Variants in GCNT2 observed in about 807,000 individuals in gnomAD.
GCNT2 encodes the protein N-acetyllactosaminide beta-1,6-N-acetylglucosaminyl-transferase.
In GCNT2, 34 loss-of-function variants were observed where a neutral mutation model predicts 34.2. That is an observed-to-expected ratio of 1.00 (90% CI 0.76 to 1.32). The LOEUF (loss-of-function observed/expected upper bound fraction) is 1.32, where lower values mean the gene tolerates loss of function less well. Among genes scored for constraint, GCNT2 ranks in the 40% most tolerant of loss-of-function variants. The pLI is 0.00. For missense variants in GCNT2, 584 were observed against 489.4 expected (o/e 1.19, Z -1.82); for synonymous variants, 212 against 188.0 (o/e 1.13, Z -1.04).
chr6:10,573,511 CACAG>C (rs1763647260), intron 3 of GCNT2, among the ~76,000 whole-genome samples: 1 of 152,154 alleles, frequency 6.6e-6, no homozygotes, highest in East Asian at 1.9e-4. Flanking sequence ...CAGGTAGTGT[CACAG>C]ACAGAGAAGC....
At chr6:10,589,036 G>C (rs1278859736) in intron 3 of GCNT2, among the ~76,000 whole-genome samples, 1 of 133,658 alleles carries the variant, frequency 7.5e-6, no homozygotes, top group South Asian at 2.6e-4. Context: ...TATGTGCGTG[G>C]TATGTGTATG....
At chr6:10,593,706 A>G (rs150592099) in intron 3 of GCNT2, among the ~76,000 whole-genome samples, 3 of 152,364 alleles carry the variant, frequency 2.0e-5, no homozygotes, top group African/African-American at 7.2e-5. Flanking sequence ...TTAGTGGTAT[A>G]TCAAAGCTAT....
At chr6:10,555,203 G>C (rs890951910) in intron 3 of GCNT2, among the ~76,000 whole-genome samples, 6 of 152,060 alleles carry the variant, frequency 3.9e-5, no homozygotes, top group Non-Finnish European at 7.4e-5. Context: ...GGCAGTCAAT[G>C]GTTAAGTTGG....
chr6:10,542,880 C>A (rs1388247848), intron 3 of GCNT2, among the ~76,000 whole-genome samples: 1 of 146,348 alleles, frequency 6.8e-6, no homozygotes, highest in Non-Finnish European at 1.5e-5. Context: ...AACTGCTGGT[C>A]CCTATGTTAA....
At chr6:10,588,865 G>T (rs965611200) in intron 3 of GCNT2, among the ~76,000 whole-genome samples, 1 of 144,024 alleles carries the variant, frequency 6.9e-6, no homozygotes, top group Non-Finnish European at 1.5e-5. Context: ...GTATGTGTAT[G>T]TGTGTGGGGT....
chr6:10,568,624 A>T (rs760788823), intron 3 of GCNT2, among the ~76,000 whole-genome samples: 16 of 152,178 alleles, frequency 1.1e-4, no homozygotes, highest in Non-Finnish European at 2.2e-4. Context: ...TCAACAACTT[A>T]TTGAATTATT....
chr6:10,575,052 G>C (rs1763741638), intron 3 of GCNT2: 2 of 607,344 alleles, frequency 3.3e-6, no homozygotes, highest in Non-Finnish European at 6.2e-6. Context: ...TTCCCATTTA[G>C]CCATGGTAAC....
At chr6:10,524,689 C>G (rs1278966627) in intron 1 of GCNT2, among the ~76,000 whole-genome samples, 1 of 152,066 alleles carries the variant, frequency 6.6e-6, no homozygotes, top group Non-Finnish European at 1.5e-5. Context: ...ATTAGCCAGG[C>G]ATGGTGGTGC....
At position 10,536,858 on chromosome 6, in the gene GCNT2, C is replaced by T. The variant is rs1206100510; in HGVS notation, c.925+7022C>T. Among the ~76,000 whole-genome samples, 4 of 152,008 alleles carry T rather than the reference C, an allele frequency of 2.6e-5. No homozygotes were observed. The South Asian group carries it at 6.3e-4, about 24-fold the overall frequency. On this transcript the variant is annotated intron_variant, in intron 3 of 4. Coordinates refer to ENST00000495262, the MANE Select transcript of GCNT2 (RefSeq NM_145649.5). ...ACCTGGGACTACAACCTCTGCTTCC[C>T]GGGTTCAGGCGATTCTACTACCTCA...
intron 3 of GCNT2, among the ~76,000 whole-genome samples, chr6:10,540,020 G>T (rs1321247446): frequency 6.6e-6 from 1 of 152,092 alleles, no homozygotes; most frequent in African/African-American, 2.4e-5. Flanking sequence ...CGGGGCTACA[G>T]TGAGGGGTGG....
intron 3 of GCNT2, among the ~76,000 whole-genome samples, chr6:10,539,742 C>T (rs1307752115): frequency 6.6e-6 from 1 of 152,106 alleles, no homozygotes; most frequent in Non-Finnish European, 1.5e-5. Context: ...AAAAACAAAA[C>T]CTTCTAACAT....
intron 1 of GCNT2, among the ~76,000 whole-genome samples, chr6:10,524,306 G>C (rs59377072): frequency 6.7e-6 from 1 of 149,690 alleles, no homozygotes; most frequent in East Asian, 2.0e-4. Flanking sequence ...GCTGGAGTGC[G>C]ATGGCACGAT....
At chr6:10,551,115 A>G (rs561921397) in intron 3 of GCNT2, among the ~76,000 whole-genome samples, 1 of 152,302 alleles carries the variant, frequency 6.6e-6, no homozygotes, top group African/African-American at 2.4e-5. Context: ...AAGGCCCCAA[A>G]TGTCAGGATT....
chr6:10,589,102 AGTGT>A (rs143468944), intron 3 of GCNT2, among the ~76,000 whole-genome samples: 1 of 103,842 alleles, frequency 9.6e-6, no homozygotes, highest in Non-Finnish European at 1.9e-5. Context: ...GTGTGTGTGT[AGTGT>A]GTGTGTGGTG....
chr6:10,590,718 T>C (rs948986491), intron 3 of GCNT2, among the ~76,000 whole-genome samples: 1 of 152,082 alleles, frequency 6.6e-6, no homozygotes, highest in Admixed American at 6.5e-5. Context: ...CAAGCCCGGC[T>C]AATTTTTGTA....
At chr6:10,557,439 A>C in intron 3 of GCNT2, 1 of 942,168 alleles carries the variant, frequency 1.1e-6, no homozygotes, top group South Asian at 1.3e-5. Context: ...AGAAGATGAA[A>C]ACTGGAACAT....
chr6:10,589,053 G>T (rs1421249086), intron 3 of GCNT2, among the ~76,000 whole-genome samples: 2 of 147,656 alleles, frequency 1.4e-5, no homozygotes, highest in African/African-American at 5.0e-5. Flanking sequence ...TATGGTGTGT[G>T]TGTGGTGTGT....
intron 3 of GCNT2, among the ~76,000 whole-genome samples, chr6:10,593,239 T>C (rs1764723264): frequency 6.6e-6 from 1 of 152,250 alleles, no homozygotes; most frequent in Non-Finnish European, 1.5e-5. Flanking sequence ...TTCTTTCTAC[T>C]GCTTTAGAAC....
At chr6:10,530,017 T>C (rs770702750) in intron 3 of GCNT2, 181 bp downstream of exon 3, 8 of 601,206 alleles carry the variant, frequency 1.3e-5, no homozygotes, top group Non-Finnish European at 2.4e-5. Context: ...CACCCACTCT[T>C]GTGAACCGCT....
Sources: allele counts gnomAD v4.1 joint callset (sites outside exome capture counted in the v4.1 genomes callset), GRCh38; gene constraint gnomAD v4.1.1; transcripts MANE v1.5; gene names NCBI Gene and HGNC (gene_info 2026-07-23, HGNC 2026-07-21).